The following DNA2 variants were observed in gnomAD, a reference collection of about 807,000 sequenced individuals.
The protein encoded by DNA2 is DNA replication ATP-dependent helicase/nuclease DNA2.
In DNA2, 101 loss-of-function variants were observed where a neutral mutation model predicts 119.1. That is an observed-to-expected ratio of 0.85 (90% CI 0.72 to 1.00). The LOEUF (loss-of-function observed/expected upper bound fraction) is 1.00. Ranked by LOEUF, DNA2 falls within the 50% of genes least tolerant of loss-of-function variation. DNA2 has a pLI of 0.00. For missense variants in DNA2, 1,121 were observed against 1,255.5 expected, an observed-to-expected ratio of 0.89 and a Z score of 1.62; for synonymous variants, 366 against 424.4, an observed-to-expected ratio of 0.86 and a Z score of 1.69.
At chr10:68,441,151 A>G (rs1261174901) in intron 9 of DNA2, among the ~76,000 whole-genome samples, 2 of 150,878 alleles carry the variant, frequency 1.3e-5, no homozygotes, top group Non-Finnish European at 3.0e-5. Context: ...TGGGCCATAT[A>G]GCAAGACCCC....
chr10:68,464,889 TAC>T (rs2052308583), intron 4 of DNA2, among the ~76,000 whole-genome samples: 1 of 146,908 alleles, frequency 6.8e-6, no homozygotes. Context: ...TGGTGGCATG[TAC>T]CTGTTGTTCC....
intron 10 of DNA2, among the ~76,000 whole-genome samples, chr10:68,434,157 C>T (rs1452672134): frequency 1.3e-5 from 2 of 152,098 alleles, no homozygotes; most frequent in Non-Finnish European, 2.9e-5. Flanking sequence ...CGCCTATAAT[C>T]CCAGCTACTC....
intron 15 of DNA2, 42 bp from the exon 16 acceptor site, chr10:68,422,646 T>C (rs1455198608): frequency 6.2e-7 from 1 of 1,613,152 alleles, no homozygotes; most frequent in African/African-American, 1.3e-5. Flanking sequence ...GTACTAAATC[T>C]GTTCCTTGAA....
chr10:68,454,642 C>T (rs760990651), intron 5 of DNA2, among the ~76,000 whole-genome samples: 7 of 151,762 alleles, frequency 4.6e-5, no homozygotes, highest in African/African-American at 1.7e-4. Flanking sequence ...TCCGTCTCTA[C>T]TAAAAATGCA....
intron 17 of DNA2, among the ~76,000 whole-genome samples, chr10:68,421,899 C>T (rs1326891795): frequency 1.3e-5 from 2 of 151,982 alleles, no homozygotes; most frequent in Admixed American, 6.6e-5. Flanking sequence ...ACTGTAACCT[C>T]CGCCTCCCGG....
chr10:68,457,807 T>C (rs904629742), intron 5 of DNA2, among the ~76,000 whole-genome samples: 3 of 147,756 alleles, frequency 2.0e-5, no homozygotes, highest in African/African-American at 7.5e-5. Context: ...ACAGTAAATA[T>C]ATAGCACATC....
intron 5 of DNA2, among the ~76,000 whole-genome samples, chr10:68,458,003 T>C (rs1003535667): frequency 3.3e-5 from 5 of 151,384 alleles, no homozygotes. Context: ...TGAAACTTCA[T>C]CTCTAATAAA....
intron 9 of DNA2, among the ~76,000 whole-genome samples, chr10:68,439,105 AC>A (rs1434202927): frequency 1.3e-5 from 2 of 151,020 alleles, no homozygotes; most frequent in African/African-American, 2.4e-5. Context: ...ACATAAAAAA[AC>A]ATTTGAGGCC....
At chr10:68,451,831 T>C (rs926713623) in intron 5 of DNA2, among the ~76,000 whole-genome samples, 11 of 151,876 alleles carry the variant, frequency 7.2e-5, no homozygotes, top group Admixed American at 3.3e-4. Flanking sequence ...CCTCAAGTGA[T>C]CCACCTGCTT....
rs549319572 is a variant in DNA2, at chr10:68,427,741, A to G, written c.2208+2695T>C. 2.0e-5 allele frequency among the ~76,000 whole-genome samples: 3 copies of G among 152,098 alleles called. No individual in the cohort carries two copies. The South Asian group carries it at 6.2e-4, about 31-fold the overall frequency. ...ACACCTACCAAAATGGCTAAAATTAAAAATAGTATCAGCTGGGCACGGTGG... is the reference window on the plus strand; with the variant it reads ...ACACCTACCAAAATGGCTAAAATTAGAAATAGTATCAGCTGGGCACGGTGG... On this transcript the variant is annotated intron_variant, in intron 14 of 20. Transcript: ENST00000358410.
intron 6 of DNA2, among the ~76,000 whole-genome samples, chr10:68,448,982 TGTGTA>T (rs1183023620): frequency 6.9e-6 from 1 of 144,254 alleles, no homozygotes; most frequent in Non-Finnish European, 1.5e-5. Context: ...TGTGTGTGTG[TGTGTA>T]GTAGTTTCAC....
rs2051807793 is a variant in DNA2 at position 68,430,625 on chromosome 10, C to T, written c.2019G>A (p.Leu673=). Residue 673 remains leucine, a synonymous_variant, in exon 14 of 21, where the codon TTG becomes TTA. Coordinates refer to ENST00000358410, the MANE Select transcript of DNA2 (RefSeq NM_001080449.3). ...CAGCAGAGTGTGTATAGCTGGTCAACAAAACGCTAAAACCACAGGCGTAGA... is the reference window on the plus strand; with the variant it reads ...CAGCAGAGTGTGTATAGCTGGTCAATAAAACGCTAAAACCACAGGCGTAGA... ...RILYACGFSV[L]LTSYTHSAVD... 1.2e-6 allele frequency: 2 copies of T among 1,603,582 alleles called. No homozygotes were observed. The highest frequency in any genetic ancestry group is 1.1e-5 in the South Asian group (1 of 89,026).
intron 1 of DNA2, chr10:68,470,644 T>C (rs1297634478): frequency 6.8e-6 from 3 of 440,948 alleles, no homozygotes; most frequent in South Asian, 1.6e-5. Flanking sequence ...AAAGTATAAA[T>C]TGGACAACAT....
chr10:68,429,302 T>C (rs1018549054), intron 14 of DNA2, among the ~76,000 whole-genome samples: 2 of 150,414 alleles, frequency 1.3e-5, no homozygotes, highest in African/African-American at 2.4e-5. Flanking sequence ...CCTGGCACTT[T>C]GGGAGGCCGA....
chr10:68,418,987 A>C (rs754433747), intron 19 of DNA2, 47 bp downstream of exon 19: 1 of 1,522,962 alleles, frequency 6.6e-7, no homozygotes, highest in Non-Finnish European at 8.8e-7. Flanking sequence ...ATTTTTAAAG[A>C]GAGAGAAATG....
intron 4 of DNA2, among the ~76,000 whole-genome samples, chr10:68,461,721 G>C (rs908647239): frequency 6.6e-6 from 1 of 151,498 alleles, no homozygotes; most frequent in Non-Finnish European, 1.5e-5. Flanking sequence ...CCAGCTACTC[G>C]GGAGGCTGAG....
chr10:68,466,502 G>A (rs1375959249), intron 3 of DNA2, among the ~76,000 whole-genome samples: 1 of 151,010 alleles, frequency 6.6e-6, no homozygotes. Context: ...ACCTACAGCA[G>A]AGATTTTTGG....
chr10:68,450,062 C>A lies in DNA2; in HGVS notation c.905G>T (p.Gly302Val). 2 of 1,599,154 alleles carry A rather than the reference C, an allele frequency of 1.3e-6. No homozygotes were observed. The highest frequency in any genetic ancestry group is 1.7e-6 in the Non-Finnish European group (2 of 1,171,964). The change falls in exon 6 of 21, where the codon GGC (glycine) becomes GTC (valine). Residue 302 changes from glycine to valine, a missense_variant. Physicochemically the swap from Gly to Val is moderately radical, Grantham distance 109. Transcript: ENST00000358410. The stretch of plus-strand genomic sequence containing the variant: ...GTGTTCAATAGAATTTGATTCTTTG[C>A]CAGTTTTAAGTTCCAGCGGCATTAT... The part of the protein sequence containing the change: ...YKIMPLELKT[G>V]KESNSIEHRS...
intron 19 of DNA2, among the ~76,000 whole-genome samples, chr10:68,417,253 G>A (rs1350741048): frequency 5.3e-5 from 8 of 151,110 alleles, no homozygotes; most frequent in Non-Finnish European, 1.2e-4. Context: ...AAAAAAAAAA[G>A]GAGACTATCT....
Sources: gnomAD v4.1 joint callset for allele counts (sites outside exome capture counted in the v4.1 genomes callset) on GRCh38, gnomAD v4.1.1 for gene constraint, MANE v1.5 for transcripts, NCBI Gene and HGNC (gene_info 2026-07-23, HGNC 2026-07-21) for gene names.